Variants in IMMP2L observed in about 807,000 individuals in gnomAD.
The protein encoded by IMMP2L is inner mitochondrial membrane peptidase subunit 2.
IMMP2L carries 18 observed loss-of-function variants against 19.3 expected under a neutral mutation model. That is an observed-to-expected ratio of 0.93 (90% CI 0.64 to 1.38). The LOEUF is 1.38. IMMP2L is among the 40% of genes most tolerant of loss of function. IMMP2L has a pLI of 0.00. For synonymous variants in IMMP2L, 76 were observed against 73.0 expected, an observed-to-expected ratio of 1.04 and a Z score of -0.21; for missense variants, 233 against 218.2, an observed-to-expected ratio of 1.07 and a Z score of -0.43.
chr7:110,837,040 T>C (rs1198722446), intron 5 of IMMP2L, among the ~76,000 whole-genome samples: 1 of 152,098 alleles, frequency 6.6e-6, no homozygotes, highest in Non-Finnish European at 1.5e-5. Flanking sequence ...AAAGGCAGAA[T>C]ACCTAAGTAT....
chr7:110,713,838 G>C (rs1446555825), intron 5 of IMMP2L, among the ~76,000 whole-genome samples: 1 of 152,042 alleles, frequency 6.6e-6, no homozygotes, highest in Non-Finnish European at 1.5e-5. Flanking sequence ...GGAGGCTTTA[G>C]GGTTTTCTAG....
intron 3 of IMMP2L, among the ~76,000 whole-genome samples, chr7:111,378,196 A>C (rs529638566): frequency 1.3e-5 from 2 of 152,112 alleles, no homozygotes; most frequent in Non-Finnish European, 2.9e-5. Flanking sequence ...TGTAAGCAAA[A>C]TTGCATGATA....
At position 110,757,120 on chromosome 7, in the gene IMMP2L, C is replaced by T. The variant is rs1798081928; in HGVS notation, c.409-93399G>A. Among the ~76,000 whole-genome samples, 1 of 151,928 alleles carries T rather than the reference C, an allele frequency of 6.6e-6. No individual in the cohort carries two copies. Among genetic ancestry groups the T allele is most frequent in the East Asian group, 1.9e-4 (1 of 5,152 alleles). On this transcript the variant is annotated intron_variant, in intron 5 of 5. Transcript: ENST00000405709. This position sits in a 1 kb window ranked among gnomAD's most constrained non-coding sequence, Gnocchi z 4.2. ...CAAATAAATAAGTTAAATGATATAG[C>T]ATGTTAGTTAGATTGAAATACGCGT...
chr7:111,114,076 C>G (rs2129584725), intron 3 of IMMP2L, among the ~76,000 whole-genome samples: 1 of 152,068 alleles, frequency 6.6e-6, no homozygotes, highest in African/African-American at 2.4e-5. Flanking sequence ...TAGTCAGTCA[C>G]ATTCAAAATT....
intron 4 of IMMP2L, among the ~76,000 whole-genome samples, chr7:110,916,747 T>C (rs1479403888): frequency 6.6e-6 from 1 of 152,240 alleles, no homozygotes. Context: ...TTATATTTCA[T>C]AGTTTACTGG....
In IMMP2L at chr7:111,268,569, C is replaced by CTTTTTTTTTTTTTTTTTTTTTTT. The variant is rs762576425; in HGVS notation, c.239+218646_239+218668dup. Among the ~76,000 whole-genome samples the CTTTTTTTTTTTTTTTTTTTTTTT allele has an allele frequency of 1.1e-4, 5 of 44,592 alleles. 1 individual carries two copies. Among genetic ancestry groups the CTTTTTTTTTTTTTTTTTTTTTTT allele is most frequent in the Non-Finnish European group, 1.9e-4 (5 of 26,636 alleles). 29.3% of individuals were successfully genotyped at this position (44,592 alleles called of 152,430 possible). On this transcript the variant is annotated intron_variant, in intron 3 of 5. Transcript: ENST00000405709. ...GATATGAGTTAAACTTCACATTTCT[C>CTTTTTTTTTTTTTTTTTTTTTTT]TTTTTTTTTTTTTTTTTTTTTTTTT...
At chr7:111,498,206 T>C (rs1161935629) in intron 2 of IMMP2L, among the ~76,000 whole-genome samples, 1 of 152,150 alleles carries the variant, frequency 6.6e-6, no homozygotes, top group East Asian at 1.9e-4. Flanking sequence ...AATGCACTAA[T>C]TATAAAATAC....
intron 3 of IMMP2L, among the ~76,000 whole-genome samples, chr7:111,006,572 G>A (rs1824313146): frequency 6.6e-6 from 1 of 152,060 alleles, no homozygotes; most frequent in Non-Finnish European, 1.5e-5. Context: ...ATATTTCCCT[G>A]CTTTCCTATT....
chr7:110,783,012 T>C (rs1036342528), intron 5 of IMMP2L, among the ~76,000 whole-genome samples: 1 of 151,876 alleles, frequency 6.6e-6, no homozygotes, highest in Admixed American at 6.6e-5. Context: ...AAGGGATTAT[T>C]ATGATTTTTC....
intron 3 of IMMP2L, among the ~76,000 whole-genome samples, chr7:111,032,899 C>A (rs1252779147): frequency 6.6e-6 from 1 of 152,088 alleles, no homozygotes; most frequent in East Asian, 1.9e-4. Flanking sequence ...GTGGGCAGAT[C>A]ACCCGAGGTC....
At chr7:111,196,009 G>A (rs1809457120) in intron 3 of IMMP2L, among the ~76,000 whole-genome samples, 1 of 151,968 alleles carries the variant, frequency 6.6e-6, no homozygotes, top group Non-Finnish European at 1.5e-5. Flanking sequence ...AGTACCACAG[G>A]TGGGGTATGC....
intron 1 of IMMP2L, among the ~76,000 whole-genome samples, chr7:111,544,779 T>A (rs1563338642): frequency 2.7e-5 from 4 of 150,572 alleles, no homozygotes. Flanking sequence ...ATAAAAATAA[T>A]GTATATTGGC....
chr7:110,886,717 A>C (rs1284565271), intron 4 of IMMP2L, 22 bp from the exon 5 acceptor site: 1 of 1,169,320 alleles, frequency 8.6e-7, no homozygotes, highest in Non-Finnish European at 1.3e-6. Flanking sequence ...CAGTGTAACC[A>C]CTGAGATATG....
chr7:111,135,733 C>T (rs1389451437), intron 3 of IMMP2L, among the ~76,000 whole-genome samples: 1 of 152,004 alleles, frequency 6.6e-6, no homozygotes, highest in Non-Finnish European at 1.5e-5. Context: ...CAAGAACATA[C>T]AAAAAAGAAG....
chr7:111,505,460 C>A (rs1164880748), intron 2 of IMMP2L, among the ~76,000 whole-genome samples: 17 of 152,026 alleles, frequency 1.1e-4, no homozygotes, highest in African/African-American at 3.4e-4. Flanking sequence ...TTGACCCAGC[C>A]ATCCCATTGC....
chr7:110,843,809 G>A (rs1481103592), intron 5 of IMMP2L, among the ~76,000 whole-genome samples: 1 of 152,138 alleles, frequency 6.6e-6, no homozygotes, highest in Non-Finnish European at 1.5e-5. Flanking sequence ...AACTTCTCTT[G>A]GCTAACCAGT....
At chr7:111,531,591 C>G (rs1043933302) in intron 1 of IMMP2L, among the ~76,000 whole-genome samples, 2 of 152,052 alleles carry the variant, frequency 1.3e-5, no homozygotes, top group Non-Finnish European at 2.9e-5. Context: ...AAATGATAAC[C>G]ATTAGCACGG....
intron 3 of IMMP2L, among the ~76,000 whole-genome samples, chr7:111,261,604 C>T (rs1383307145): frequency 6.6e-6 from 1 of 151,970 alleles, no homozygotes; most frequent in Non-Finnish European, 1.5e-5. Context: ...TATAACATAA[C>T]ATGTAAATGA....
At chr7:110,753,111 G>C (rs555172170) in intron 5 of IMMP2L, among the ~76,000 whole-genome samples, 1 of 152,128 alleles carries the variant, frequency 6.6e-6, no homozygotes, top group African/African-American at 2.4e-5. Context: ...TGCTGGGGGA[G>C]CAGAAGGTAA....
Sources: allele counts gnomAD v4.1 joint callset (sites outside exome capture counted in the v4.1 genomes callset), GRCh38; gene constraint gnomAD v4.1.1; non-coding constraint Gnocchi (gnomAD v3.1); transcripts MANE v1.5; gene names NCBI Gene and HGNC (gene_info 2026-07-23, HGNC 2026-07-21).